The following RBM19 variants were observed in gnomAD, a reference collection of about 807,000 sequenced individuals.
RBM19 encodes the protein probable RNA-binding protein 19.
Under a neutral mutation model 116.8 loss-of-function variants are expected in RBM19, and 94 were observed. The observed-to-expected ratio is 0.80, with a 90% CI of 0.68 to 0.95. The LOEUF (loss-of-function observed/expected upper bound fraction) is 0.95. Among genes scored for constraint, RBM19 ranks in the 40% least tolerant of loss-of-function variants. The pLI, the probability that RBM19 is intolerant of heterozygous loss-of-function variation, is 0.00. For missense variants in RBM19, 1,161 were observed against 1,220.7 expected (o/e 0.95, Z 0.73); for synonymous variants, 475 against 494.1 (o/e 0.96, Z 0.51).
At chr12:113,899,390 A>G (rs1478515273) in intron 21 of RBM19, among the ~76,000 whole-genome samples, 1 of 152,166 alleles carries the variant, frequency 6.6e-6, no homozygotes, top group Non-Finnish European at 1.5e-5. Flanking sequence ...AGCCTCACTG[A>G]CCTTGTATCT....
At chr12:113,950,522 G>A (rs1294990092) in intron 8 of RBM19, among the ~76,000 whole-genome samples, 2 of 152,128 alleles carry the variant, frequency 1.3e-5, no homozygotes, top group African/African-American at 4.8e-5. Context: ...CCTAGGCGCT[G>A]GAAGCACCTT....
chr12:113,945,939 C>T lies in RBM19; in HGVS notation c.1530-15G>A. 1.3e-6 allele frequency: 2 copies of T among 1,538,074 alleles called. No individual in the cohort carries two copies. Among genetic ancestry groups the T allele is most frequent in the Non-Finnish European group, 1.8e-6 (2 of 1,111,396 alleles). ...AGTTGTGAGAGCTAAGAGGCAGAGG[C>T]AGAACAGGGAGATCAGACCGCAGCT... On this transcript the variant is annotated splice_polypyrimidine_tract_variant and intron_variant, in intron 12 of 23. Coordinates refer to ENST00000261741, the MANE Select transcript of RBM19 (RefSeq NM_016196.4).
chr12:113,953,178 C>A (rs1566039721), intron 7 of RBM19, among the ~76,000 whole-genome samples: 1 of 152,160 alleles, frequency 6.6e-6, no homozygotes, highest in Non-Finnish European at 1.5e-5. Flanking sequence ...AAGACATGAT[C>A]GGGCACTTTC....
In RBM19 at chr12:113,879,457, T is replaced by C. The variant is rs982751866; in HGVS notation, c.2559-20561A>G. Reference sequence around the variant, plus strand: ...TATATATATATATATATATGGACTTTTCTTTTTTTAAGGGGAAAAAGAAAA... The same window carrying C: ...TATATATATATATATATATGGACTTCTCTTTTTTTAAGGGGAAAAAGAAAA... On this transcript the variant is annotated intron_variant, in intron 21 of 23. Coordinates refer to ENST00000261741, the MANE Select transcript of RBM19 (RefSeq NM_016196.4). Among the ~76,000 whole-genome samples the C allele has an allele frequency of 2.0e-5, 2 of 100,992 alleles. 1 individual carries two copies. The highest frequency in any genetic ancestry group is 4.4e-5 in the Non-Finnish European group (2 of 45,678). The allele number at this position is 100,992 out of a possible 152,430, so 66.3% of individuals were successfully genotyped here. A position where few individuals can be genotyped will look rare whatever the true frequency, so the allele number is the denominator to read the frequency against.
Position 113,898,491 on chromosome 12 carries a change from A to G in RBM19, c.2558+16478T>C, listed in dbSNP as rs1462961338. Among the ~76,000 whole-genome samples the G allele has an allele frequency of 6.6e-6, 1 of 152,230 alleles. No homozygotes were observed. Among genetic ancestry groups the G allele is most frequent in the Non-Finnish European group, 1.5e-5 (1 of 68,046 alleles). ...ACAATGAAACATTTTTCTGTTCCCA[A>G]TTCCAAGAGTAATTGGTTATCCATT... is the stretch of plus-strand genomic sequence containing the variant. On this transcript the variant is annotated intron_variant, in intron 21 of 23. Coordinates refer to ENST00000261741, the MANE Select transcript of RBM19 (RefSeq NM_016196.4). The surrounding 1 kb of genome is among the most constrained non-coding windows in gnomAD (Gnocchi z 4.3).
intron 21 of RBM19, among the ~76,000 whole-genome samples, chr12:113,873,931 C>G (rs1330333918): frequency 1.3e-5 from 2 of 152,180 alleles, no homozygotes; most frequent in African/African-American, 4.8e-5. Context: ...AGATATCTCG[C>G]CATCACCCTG....
At chr12:113,931,277 C>T (rs1003834893) in intron 16 of RBM19, among the ~76,000 whole-genome samples, 1 of 152,076 alleles carries the variant, frequency 6.6e-6, no homozygotes, top group Non-Finnish European at 1.5e-5. Flanking sequence ...CCACAAGGCC[C>T]CAGAACCCAG....
At chr12:113,841,311 T>C (rs1876449263) in intron 23 of RBM19, among the ~76,000 whole-genome samples, 1 of 152,228 alleles carries the variant, frequency 6.6e-6, no homozygotes, top group Non-Finnish European at 1.5e-5. Context: ...GAAGGAACCC[T>C]GCAGATCTTG....
intron 13 of RBM19, among the ~76,000 whole-genome samples, 161 bp from the exon 14 acceptor site, chr12:113,942,595 T>TTG (rs567012531): frequency 1.8e-4 from 5 of 28,384 alleles, no homozygotes; most frequent in African/African-American, 1.7e-3. Context: ...GGCTCTGTGC[T>TTG]TTTTTTTTTT....
chr12:113,920,840 G>A, intron 18 of RBM19, 150 bp from the exon 19 acceptor site: 1 of 724,856 alleles, frequency 1.4e-6, no homozygotes, highest in South Asian at 1.7e-5. Flanking sequence ...CACCTGGCTT[G>A]CTGTTTATCA....
At position 113,825,241 on chromosome 12, in the gene RBM19, T is replaced by G. The variant is rs1010457838; in HGVS notation, c.2786-1920A>C. ...TGCCCCATGGTGAGCGTGCAGAAGG[T>G]GCGGGAGGTGCCCACCTGCCTGCCA... On this transcript the variant is annotated intron_variant, in intron 23 of 23. Coordinates refer to ENST00000261741, the MANE Select transcript of RBM19 (RefSeq NM_016196.4). The surrounding 1 kb of genome is among the most constrained non-coding windows in gnomAD (Gnocchi z 5.7). 4.0e-5 allele frequency among the ~76,000 whole-genome samples: 6 copies of G among 150,412 alleles called. No homozygotes were observed. Among genetic ancestry groups the G allele is most frequent in the African/African-American group, 1.5e-4 (6 of 40,966 alleles).
At chr12:113,819,414 C>A (rs1422125068), downstream of RBM19, among the ~76,000 whole-genome samples, 1 of 152,186 alleles carries the variant, frequency 6.6e-6, no homozygotes, top group Non-Finnish European at 1.5e-5. Flanking sequence ...CTCTGGTGAC[C>A]ATATCGGCAG....
Position 113,948,859 on chromosome 12 carries a change from T to C in RBM19, c.1250A>G (p.Asp417Gly). The C allele has an allele frequency of 1.2e-6, 2 of 1,614,102 alleles. No individual in the cohort carries two copies. The highest frequency in any genetic ancestry group is 1.7e-6 in the Non-Finnish European group (2 of 1,180,014). Residue 417 changes from aspartate to glycine, a missense_variant, in exon 10 of 24, where the codon GAT (aspartate) becomes GGT (glycine). Coordinates refer to ENST00000261741, the MANE Select transcript of RBM19 (RefSeq NM_016196.4). The stretch of plus-strand genomic sequence containing the variant: ...ATATTTGGAGAAGAGCTTCTCCAGA[T>C]CCTCCTCGGTGCTGGTGTAGGGCAG... ...RNLPYTSTEE[D>G]LEKLFSKYGP...
chr12:113,918,598 G>T (rs1175199295), intron 19 of RBM19, 151 bp from the exon 20 acceptor site: 2 of 743,516 alleles, frequency 2.7e-6, no homozygotes, highest in Non-Finnish European at 4.4e-6. Context: ...ACAGAGGATG[G>T]TTTTTCCCTG....
intron 23 of RBM19, 133 bp downstream of exon 23, chr12:113,844,535 C>T (rs1876775931): frequency 1.6e-6 from 2 of 1,271,534 alleles, no homozygotes; most frequent in African/African-American, 3.1e-5. Context: ...GGGAGGATGC[C>T]CAGCAGGAGG....
At chr12:113,839,256 G>C (rs1359266439) in intron 23 of RBM19, among the ~76,000 whole-genome samples, 1 of 152,230 alleles carries the variant, frequency 6.6e-6, no homozygotes, top group Non-Finnish European at 1.5e-5. Flanking sequence ...AAGGGCACAG[G>C]GTGGGGAGAA....
intron 21 of RBM19, among the ~76,000 whole-genome samples, chr12:113,887,007 A>G (rs1880574358): frequency 6.6e-6 from 1 of 152,250 alleles, no homozygotes; most frequent in Admixed American, 6.5e-5. Context: ...TTGTACAGCC[A>G]TCGAAGCAAG....
intron 1 of RBM19, among the ~76,000 whole-genome samples, chr12:113,963,041 T>C (rs1396830200): frequency 6.6e-6 from 1 of 152,118 alleles, no homozygotes; most frequent in Non-Finnish European, 1.5e-5. Context: ...ATATGGAGTA[T>C]ATAGCTATGA....
At chr12:113,871,399 A>T (rs922971799) in intron 21 of RBM19, among the ~76,000 whole-genome samples, 7 of 152,222 alleles carry the variant, frequency 4.6e-5, no homozygotes, top group African/African-American at 1.7e-4. Flanking sequence ...TTCCTAAAAG[A>T]CTTCCAGAAG....
Sources: gnomAD v4.1 joint callset for allele counts (sites outside exome capture counted in the v4.1 genomes callset) on GRCh38, gnomAD v4.1.1 for gene constraint, Gnocchi (gnomAD v3.1) non-coding constraint, MANE v1.5 for transcripts, NCBI Gene and HGNC (gene_info 2026-07-23, HGNC 2026-07-21) for gene names.